Variants in RAG2 observed in about 807,000 individuals in gnomAD.
The protein encoded by RAG2 is V(D)J recombination-activating protein 2.
Under a neutral mutation model 31.8 loss-of-function variants are expected in RAG2, and 16 were observed. The observed-to-expected ratio is 0.50, with a 90% CI of 0.34 to 0.76. The LOEUF (loss-of-function observed/expected upper bound fraction) is 0.76, where lower values mean the gene tolerates loss of function less well. Ranked by LOEUF, RAG2 falls within the 30% of genes least tolerant of loss-of-function variation. RAG2 has a pLI of 0.01. For missense variants in RAG2, 622 were observed against 628.5 expected, an observed-to-expected ratio of 0.99 and a Z score of 0.11; for synonymous variants, 199 against 215.9, an observed-to-expected ratio of 0.92 and a Z score of 0.68.
chr11:36,593,582 A>T lies in RAG2; in HGVS notation c.587T>A (p.Ile196Asn), dbSNP rs1851081981. Residue 196 changes from isoleucine (I) to asparagine (N), a missense_variant, in exon 2 of 2, where the codon ATT becomes AAT. By Grantham distance (149) the Ile-to-Asn change is moderately radical. Transcript: ENST00000311485. ...DFEFGCATSY[I>N]LPELQDGLSF... The stretch of plus-strand genomic sequence containing the variant: ...TAGCCCATCCTGAAGTTCTGGAAGA[A>T]TGTATGATGTAGCACACCCAAATTC... 1 of 1,614,210 alleles carries T rather than the reference A, an allele frequency of 6.2e-7. No homozygotes were observed. Among genetic ancestry groups the T allele is most frequent in the Non-Finnish European group, 8.5e-7 (1 of 1,180,006 alleles).
At position 36,593,518 on chromosome 11, in the gene RAG2, A is replaced by G. The variant is rs887816498; in HGVS notation, c.651T>C (p.Tyr217=). The change falls in exon 2 of 2, where the codon TAT becomes TAC. Residue 217 remains tyrosine (Y), a synonymous_variant. Transcript: ENST00000311485. ...HVSIAKNDTI[Y]ILGGHSLANN... Reference sequence around the variant, plus strand: ...TGGCAAGTGAATGTCCTCCTAAAATATAGATGGTGTCATTTTTGGCAATAG... The same window carrying G: ...TGGCAAGTGAATGTCCTCCTAAAATGTAGATGGTGTCATTTTTGGCAATAG... The G allele has an allele frequency of 2.5e-6, 4 of 1,614,192 alleles. No homozygotes were observed. Among genetic ancestry groups the G allele is most frequent in the African/African-American group, 1.3e-5 (1 of 75,048 alleles).
intron 1 of RAG2, chr11:36,594,508 G>T: frequency 3.0e-6 from 1 of 329,190 alleles, no homozygotes; most frequent in Non-Finnish European, 5.7e-6. Flanking sequence ...CGTTCTCTCT[G>T]GGATGTGTAG....
At position 36,593,965 on chromosome 11, in the gene RAG2, G is replaced by A. The variant is rs1695873088; in HGVS notation, c.204C>T (p.Tyr68=). Residue 68 remains tyrosine (Y), a synonymous_variant, in exon 2 of 2, where the codon TAC becomes TAT. Transcript: ENST00000311485. ...KPTIFSKDSC[Y]LPPLRYPATC... is the part of the protein sequence containing the mutation. ...TGGCTGGGTAGCGAAGAGGAGGGAGGTAGCAGGAATCCTTAGAGAAAATTG... is the reference window on the plus strand; with the variant it reads ...TGGCTGGGTAGCGAAGAGGAGGGAGATAGCAGGAATCCTTAGAGAAAATTG... 1 of 1,614,100 alleles carries A rather than the reference G, an allele frequency of 6.2e-7. No individual in the cohort carries two copies.
Position 36,593,297 on chromosome 11 carries a change from G to T in RAG2, c.872C>A (p.Ser291Tyr), listed in dbSNP as rs112927992. ...AATTTCTATCTTGTTGTCCTCTAAA[G>T]AGATGATGTTGCAGATCATTCTTTT... ...NQKRMICNII[S>Y]LEDNKIEIRE... Residue 291 changes from serine to tyrosine, a missense_variant, in exon 2 of 2, where the codon TCT (serine) becomes TAT (tyrosine). Ser to Tyr is a moderately radical substitution (Grantham distance 144). Coordinates refer to ENST00000311485, the MANE Select transcript of RAG2 (RefSeq NM_000536.4). 6.2e-7 allele frequency: 1 copy of T among 1,614,126 alleles called. No individual in the cohort carries two copies. Among genetic ancestry groups the T allele is most frequent in the Non-Finnish European group, 8.5e-7 (1 of 1,180,020 alleles).
At position 36,593,653 on chromosome 11, in the gene RAG2, C is replaced by T. The variant is rs1182932466; in HGVS notation, c.516G>A (p.Trp172Ter). ...AGGGCAGGCAGTCAGCTACACTATT[C>T]CATTTTTCTGTGGTTCTGTGGGTAG... ...MPSTHRTTEK[W>*]NSVADCLPCV... Residue 172 changes from tryptophan (W) to a stop codon, truncating the protein, a stop_gained, in exon 2 of 2, where the codon TGG (tryptophan) becomes TGA (stop). Coordinates refer to ENST00000311485, the MANE Select transcript of RAG2 (RefSeq NM_000536.4). LOFTEE classifies it high-confidence loss of function. The T allele has an allele frequency of 3.7e-6, 6 of 1,614,010 alleles. No homozygotes were observed. Among genetic ancestry groups the T allele is most frequent in the Non-Finnish European group, 8.5e-7 (1 of 1,180,022 alleles).
Position 36,597,437 on chromosome 11 carries a change from C to T in RAG2, c.-28+665G>A, listed in dbSNP as rs1320946427. ...CAGCTGAGGGAGGCTTCAAGGTCAA[C>T]ACATTAAAGATTCTTTGTAAAGGAC... On this transcript the variant is annotated intron_variant, in intron 1 of 1. Coordinates refer to ENST00000311485, the MANE Select transcript of RAG2 (RefSeq NM_000536.4). 7.9e-5 allele frequency among the ~76,000 whole-genome samples: 12 copies of T among 152,146 alleles called. 1 individual carries two copies.
At position 36,592,450 on chromosome 11, in the gene RAG2, G is replaced by C; in HGVS notation, c.*135C>G. On this transcript the variant is annotated 3_prime_UTR_variant, in exon 2 of 2. Transcript: ENST00000311485. ...CATTGCATTATAAACACTTTTTTCT[G>C]GCCCTTAATTCATGTAACTAAAAGA... 8.8e-7 allele frequency: 1 copy of C among 1,130,110 alleles called. No individual in the cohort carries two copies. The highest frequency in any genetic ancestry group is 1.2e-6 in the Non-Finnish European group (1 of 810,142). The allele number at this position is 1,130,110 out of a possible 1,614,324, so 70.0% of individuals were successfully genotyped here.
chr11:36,593,331 C>G lies in RAG2; in HGVS notation c.838G>C (p.Glu280Gln). 1 of 1,614,046 alleles carries G rather than the reference C, an allele frequency of 6.2e-7. No homozygotes were observed. Among genetic ancestry groups the G allele is most frequent in the Non-Finnish European group, 8.5e-7 (1 of 1,179,998 alleles). Residue 280 changes from glutamate to glutamine, a missense_variant, in exon 2 of 2, where the codon GAA becomes CAA. Transcript: ENST00000311485. Reference sequence around the variant, plus strand: ...TTGCAGATCATTCTTTTTTGATTTTCAAGCTGATAGCCACCAACAATAACA... The same window carrying G: ...TTGCAGATCATTCTTTTTTGATTTTGAAGCTGATAGCCACCAACAATAACA... ...EFVIVGGYQL[E>Q]NQKRMICNII...
In RAG2 at chr11:36,593,001, C is replaced by T. The variant is rs1851058254; in HGVS notation, c.1168G>A (p.Ala390Thr). The T allele has an allele frequency of 1.2e-6, 2 of 1,614,138 alleles. No homozygotes were observed. The highest frequency in any genetic ancestry group is 2.2e-5 in the East Asian group (1 of 44,884). ...TCATCATCACCATCAAAACTATTTG[C>T]TTCTGCACTGAAACAAAATTCTTCA... ...DSEEFCFSAE[A>T]NSFDGDDEFD... Residue 390 changes from alanine (A) to threonine (T), a missense_variant, in exon 2 of 2, where the codon GCA (alanine) becomes ACA (threonine). By Grantham distance (58) the Ala-to-Thr change is moderately conservative. Transcript: ENST00000311485.
chr11:36,595,431 A>G (rs1338353537), intron 1 of RAG2, among the ~76,000 whole-genome samples: 1 of 152,246 alleles, frequency 6.6e-6, no homozygotes, highest in African/African-American at 2.4e-5. Flanking sequence ...CCGTGTTTGC[A>G]GTGTGATGTC....
chr11:36,594,551 G>T, intron 1 of RAG2: 1 of 260,748 alleles, frequency 3.8e-6, no homozygotes, highest in East Asian at 9.4e-5. Context: ...CTCTGGGAGA[G>T]GGGACTCCTG....
In RAG2 at chr11:36,592,856, A is replaced by G; in HGVS notation, c.1313T>C (p.Leu438Pro). The G allele has an allele frequency of 1.2e-6, 2 of 1,613,902 alleles. No individual in the cohort carries two copies. Among genetic ancestry groups the G allele is most frequent in the Non-Finnish European group, 1.7e-6 (2 of 1,179,996 alleles). Residue 438 changes from leucine (L) to proline (P), a missense_variant, in exon 2 of 2, where the codon CTC (leucine) becomes CCC (proline). Transcript: ENST00000311485. ...NTWVPFYSTELNKPAMIYCSH... is the reference protein window; with the variant it reads ...NTWVPFYSTEPNKPAMIYCSH... ...GCAGTAGATCATGGCGGGTTTGTTG[A>G]GCTCAGTTGAATAGAATGGTACCCA...
rs140089249 is a variant in RAG2, at chr11:36,592,653, G to A, written c.1516C>T (p.Arg506Cys). The change falls in exon 2 of 2, where the codon CGT becomes TGT. Residue 506 changes from arginine to cysteine, a missense_variant. Arg to Cys is a radical substitution (Grantham distance 180). Transcript: ENST00000311485. Reference sequence around the variant, plus strand: ...AAGATTTTTCCAGAACCTTTTTTACGGAGGGATTTCATTGGAGGCTTTTTT... The same window carrying A: ...AAGATTTTTCCAGAACCTTTTTTACAGAGGGATTTCATTGGAGGCTTTTTT... ...PLKKPPMKSL[R>C]KKGSGKILTP... 2.5e-4 allele frequency: 400 copies of A among 1,613,966 alleles called. No homozygotes were observed. The highest frequency in any genetic ancestry group is 2.9e-4 in the Non-Finnish European group (340 of 1,180,004).
Position 36,592,484 on chromosome 11 carries a change from G to T in RAG2, c.*101C>A. On this transcript the variant is annotated 3_prime_UTR_variant, in exon 2 of 2. Coordinates refer to ENST00000311485, the MANE Select transcript of RAG2 (RefSeq NM_000536.4). ...TTCATGTAACTAAAAGAAAACATAG[G>T]CATTTTAAATAAACAAAAATGTATT... 1 of 1,406,758 alleles carries T rather than the reference G, an allele frequency of 7.1e-7. No individual in the cohort carries two copies. Among genetic ancestry groups the T allele is most frequent in the Non-Finnish European group, 9.6e-7 (1 of 1,040,130 alleles). The allele number at this position is 1,406,758 out of a possible 1,614,324, so 87.1% of individuals were successfully genotyped here.
At chr11:36,597,573 T>G (rs908420563) in intron 1 of RAG2, 1 of 152,196 alleles carries the variant, frequency 6.6e-6, no homozygotes, top group Non-Finnish European at 1.5e-5. Context: ...TTGAGTATAA[T>G]GAAAGGACTC....
rs2133311776 is a variant in RAG2 at position 36,592,927 on chromosome 11, G to T, written c.1242C>A (p.Gly414=). Residue 414 remains glycine, a synonymous_variant, in exon 2 of 2, where the codon GGC becomes GGA. Coordinates refer to ENST00000311485, the MANE Select transcript of RAG2 (RefSeq NM_000536.4). ...AAGTAGGGCAGCATGTAATCCAGTA[G>T]CCTGTCTCAGACTCATCTTCTTCAT... ...EDDEEDESET[G]YWITCCPTCD... 1.2e-6 allele frequency: 2 copies of T among 1,614,084 alleles called. No homozygotes were observed. The highest frequency in any genetic ancestry group is 1.7e-6 in the Non-Finnish European group (2 of 1,180,020).
rs1590716645 is a variant in RAG2, at chr11:36,593,896, G to T, written c.273C>A (p.Tyr91Ter). ...TTGGTGTTTTCCCTCCATGGATGATGTATTGATGCTTTTCAGACTCCAAGC... is the reference window on the plus strand; with the variant it reads ...TTGGTGTTTTCCCTCCATGGATGATTTATTGATGCTTTTCAGACTCCAAGC... ...KGSLESEKHQ[Y>*]IIHGGKTPNN... Residue 91 changes from tyrosine (Y) to a stop codon, truncating the protein, a stop_gained, in exon 2 of 2, where the codon TAC becomes TAA. Transcript: ENST00000311485. LOFTEE classifies it high-confidence loss of function. 1 of 1,614,236 alleles carries T rather than the reference G, an allele frequency of 6.2e-7. No individual in the cohort carries two copies. Among genetic ancestry groups the T allele is most frequent in the South Asian group, 1.1e-5 (1 of 91,084 alleles).
In RAG2 at chr11:36,593,772, C is replaced by A; in HGVS notation, c.397G>T (p.Val133Phe). 1.2e-6 allele frequency: 2 copies of A among 1,614,208 alleles called. No homozygotes were observed. Among genetic ancestry groups the A allele is most frequent in the Non-Finnish European group, 1.7e-6 (2 of 1,180,034 alleles). The stretch of plus-strand genomic sequence containing the variant: ...GAATGACCATATCTGGCTTCAGGAA[C>A]ATCTCCTACCAAGTCTTTCTCTGTG... ...RCTEKDLVGD[V>F]PEARYGHSIN... The change falls in exon 2 of 2, where the codon GTT becomes TTT. Residue 133 changes from valine (V) to phenylalanine (F), a missense_variant. Transcript: ENST00000311485.
At chr11:36,594,309 G>A in intron 1 of RAG2, 114 bp from the exon 2 acceptor site, 1 of 720,574 alleles carries the variant, frequency 1.4e-6, no homozygotes, top group South Asian at 1.6e-5. Context: ...CTTGCAGTGG[G>A]ACTGAATGAG....
Sources: allele counts gnomAD v4.1 joint callset (sites outside exome capture counted in the v4.1 genomes callset), GRCh38; gene constraint gnomAD v4.1.1; transcripts MANE v1.5; gene names NCBI Gene and HGNC (gene_info 2026-07-23, HGNC 2026-07-21).